DMD: variants seen among roughly 807,000 people sequenced by gnomAD.
DMD encodes the protein dystrophin.
In DMD, 63 loss-of-function variants were observed where a neutral mutation model predicts 330.1. The ratio of observed to expected loss-of-function variants is 0.19; its 90% CI spans 0.16 to 0.24. The LOEUF is 0.24. Ranked by LOEUF, DMD falls within the 10% of genes least tolerant of loss-of-function variation. The pLI is 1.00. For missense variants in DMD, 3,344 were observed against 2,684.1 expected, an observed-to-expected ratio of 1.25 and a Z score of -5.43; for synonymous variants, 1,223 against 959.8, an observed-to-expected ratio of 1.27 and a Z score of -5.07.
chrX:31,939,526 G>A (rs1395581075), intron 45 of DMD, among the ~76,000 whole-genome samples: 3 of 111,578 alleles, frequency 2.7e-5, no homozygotes, highest in Non-Finnish European at 3.8e-5. Context: ...ACGTGAACAC[G>A]GGCGAGTTCC....
chrX:32,379,693 A>G (rs1363819872), intron 34 of DMD, among the ~76,000 whole-genome samples: 5 of 111,711 alleles, frequency 4.5e-5, no homozygotes, highest in Non-Finnish European at 9.4e-5. Flanking sequence ...GTAAGTTTTT[A>G]CATAAGGTAT....
At chrX:32,118,512 C>T (rs1478632268) in intron 44 of DMD, among the ~76,000 whole-genome samples, 2 of 110,472 alleles carry the variant, frequency 1.8e-5, no homozygotes, top group African/African-American at 6.6e-5. Flanking sequence ...TATTGATAAC[C>T]AAAGCTGATA....
At chrX:32,786,974 T>C (rs1233088614) in intron 7 of DMD, among the ~76,000 whole-genome samples, 1 of 111,729 alleles carries the variant, frequency 9.0e-6, no homozygotes, top group South Asian at 3.7e-4. Context: ...TATGTATGTA[T>C]TACTCCCAGC....
At position 31,121,688 on chromosome X, in the gene DMD, G is replaced by GACTT. The variant is rs1260910810; in HGVS notation, c.*227_*230dup. On this transcript the variant is annotated 3_prime_UTR_variant, in exon 79 of 79. Coordinates refer to ENST00000357033, the MANE Select transcript of DMD (RefSeq NM_004006.3). ...TGCCATTGTTAACAAAACAATAACA[G>GACTT]ACTTAGAAACTACTGAAATCTACAG... The GACTT allele has an allele frequency of 6.3e-6, 3 of 477,812 alleles. No homozygotes were observed. Among genetic ancestry groups the GACTT allele is most frequent in the Non-Finnish European group, 1.1e-5 (3 of 279,672 alleles). 39.4% of individuals were successfully genotyped at this position (477,812 alleles called of 1,213,427 possible). A position where few individuals can be genotyped will look rare whatever the true frequency, so the allele number is the denominator to read the frequency against.
intron 11 of DMD, among the ~76,000 whole-genome samples, chrX:32,622,934 G>C (rs2058095187): frequency 9.0e-6 from 1 of 111,540 alleles, no homozygotes; most frequent in Non-Finnish European, 1.9e-5. Context: ...AACATTCCAG[G>C]TAAGAATATT....
In DMD at chrX:32,152,878, G is replaced by C. The variant is rs779847037; in HGVS notation, c.6438+64038C>G. On this transcript the variant is annotated intron_variant, in intron 44 of 78. Transcript: ENST00000357033. ...ATATTTTGGACCCTTTAAAATTTAAGTAAAACATTAAGATGTATTTTATAC... is the reference window on the plus strand; with the variant it reads ...ATATTTTGGACCCTTTAAAATTTAACTAAAACATTAAGATGTATTTTATAC... Among the ~76,000 whole-genome samples the C allele has an allele frequency of 5.4e-5, 6 of 112,089 alleles. No individual in the cohort carries two copies. In the South Asian group the frequency reaches 2.2e-3, roughly 41 times the overall value.
chrX:32,853,871 T>C (rs1414851552), intron 2 of DMD, among the ~76,000 whole-genome samples: 2 of 107,304 alleles, frequency 1.9e-5, no homozygotes, highest in Non-Finnish European at 3.8e-5. Flanking sequence ...AGACTTAAAA[T>C]TAAGGGATGT....
intron 7 of DMD, among the ~76,000 whole-genome samples, chrX:32,754,692 A>G (rs998205971): frequency 8.9e-6 from 1 of 111,939 alleles, no homozygotes; most frequent in South Asian, 3.7e-4. Context: ...AGATTTAAAC[A>G]TACAGAAATT....
At chrX:32,983,110 T>C (rs1433728314) in intron 2 of DMD, among the ~76,000 whole-genome samples, 1 of 111,759 alleles carries the variant, frequency 8.9e-6, no homozygotes, top group East Asian at 2.8e-4. Flanking sequence ...TAGCCCTTAT[T>C]ACCAGAGACT....
chrX:31,690,103 G>T (rs1243442489), intron 52 of DMD, among the ~76,000 whole-genome samples: 1 of 111,939 alleles, frequency 8.9e-6, no homozygotes, highest in Non-Finnish European at 1.9e-5. Context: ...GGCAACAAAA[G>T]CCAAAACGGA....
intron 2 of DMD, among the ~76,000 whole-genome samples, chrX:32,892,726 C>A (rs2085335151): frequency 9.0e-6 from 1 of 111,684 alleles, no homozygotes; most frequent in South Asian, 3.7e-4. Context: ...CATTACACAC[C>A]AAGTATTATT....
At chrX:33,259,349 A>G (rs1221457961) in intron 1 of DMD, among the ~76,000 whole-genome samples, 1 of 110,108 alleles carries the variant, frequency 9.1e-6, no homozygotes, top group Non-Finnish European at 1.9e-5. Context: ...CATAGATTAC[A>G]TTAGGTTTCA....
chrX:31,879,982 A>G (rs763299793), intron 47 of DMD, among the ~76,000 whole-genome samples: 2 of 112,216 alleles, frequency 1.8e-5, no homozygotes, highest in Non-Finnish European at 3.8e-5. Flanking sequence ...GTGAAAGAAA[A>G]CAAACACATT....
chrX:32,378,678 A>G (rs1233638554), intron 34 of DMD, among the ~76,000 whole-genome samples: 1 of 111,303 alleles, frequency 9.0e-6, no homozygotes, highest in African/African-American at 3.2e-5. Flanking sequence ...AAATAATAAA[A>G]AAGAAATTGA....
chrX:32,485,686 T>A (rs1180164334), intron 20 of DMD, among the ~76,000 whole-genome samples: 1 of 105,497 alleles, frequency 9.5e-6, no homozygotes. Context: ...TAATCTTCTA[T>A]GTTTTGTATG....
At position 32,442,437 on chromosome X, in the gene DMD, G is replaced by A. The variant is rs1291307786; in HGVS notation, c.3787-1123C>T. ...CAATCTCATTAGTAATCAAGGACAT[G>A]TAGGCCAGGATTACAATGAGATACC... On this transcript the variant is annotated intron_variant, in intron 27 of 78. Transcript: ENST00000357033. Among the ~76,000 whole-genome samples the A allele has an allele frequency of 4.5e-5, 5 of 111,149 alleles. No individual in the cohort carries two copies. In the Admixed American group the frequency reaches 4.8e-4, roughly 11 times the overall value.
chrX:31,632,951 T>A, intron 54 of DMD, among the ~76,000 whole-genome samples: 1 of 111,938 alleles, frequency 8.9e-6, no homozygotes, highest in Non-Finnish European at 1.9e-5. Flanking sequence ...GCTGTCAACA[T>A]TGCCTGGATT....
chrX:32,480,823 T>C, intron 21 of DMD, among the ~76,000 whole-genome samples: 1 of 110,782 alleles, frequency 9.0e-6, no homozygotes, highest in Non-Finnish European at 1.9e-5. Context: ...TGCTTGCTCT[T>C]GATGGTATTG....
intron 2 of DMD, among the ~76,000 whole-genome samples, chrX:32,914,316 T>A (rs2087579902): frequency 9.0e-6 from 1 of 111,468 alleles, no homozygotes; most frequent in Admixed American, 9.6e-5. Context: ...AGCAATAAAG[T>A]CCTAGAAATA....
Sources: allele counts gnomAD v4.1 joint callset (sites outside exome capture counted in the v4.1 genomes callset), GRCh38; gene constraint gnomAD v4.1.1; transcripts MANE v1.5; gene names NCBI Gene and HGNC (gene_info 2026-07-23, HGNC 2026-07-21).